The following LBP variants were observed in gnomAD, a reference collection of about 807,000 sequenced individuals.
LBP encodes the protein lipopolysaccharide binding protein.
In LBP, 53 loss-of-function variants were observed where a neutral mutation model predicts 56.6. The observed-to-expected ratio is 0.94, with a 90% confidence interval of 0.75 to 1.18. The LOEUF is 1.18. Ranked by LOEUF, LBP falls within the 50% of genes most tolerant of loss-of-function variation. LBP has a pLI of 0.00. For synonymous variants in LBP, 227 were observed against 247.5 expected, an observed-to-expected ratio of 0.92 and a Z score of 0.78; for missense variants, 601 against 598.3, an observed-to-expected ratio of 1.00 and a Z score of -0.05.
chr20:38,355,246 G>A, intron 4 of LBP, 100 bp from the exon 5 acceptor site: 2 of 1,036,504 alleles, frequency 1.9e-6, no homozygotes, highest in Admixed American at 3.4e-5. Flanking sequence ...GGGTGGAGAG[G>A]GCTCCCTTTG....
At position 38,350,810 on chromosome 20, in the gene LBP, G is replaced by T; in HGVS notation, c.240-1G>T. ...ACCTCCTTCCATGTCTCTCCCTTCA[G>T]CCTGAACATCCACAGCTGTGAGCTG... On this transcript the variant is annotated splice_acceptor_variant, in intron 2 of 14. Transcript: ENST00000217407. LOFTEE classifies it high-confidence loss of function. 6.2e-7 allele frequency: 1 copy of T among 1,602,412 alleles called. No individual in the cohort carries two copies. Among genetic ancestry groups the T allele is most frequent in the Non-Finnish European group, 8.5e-7 (1 of 1,171,276 alleles).
At chr20:38,362,099 CCCA>C (rs2076862507) in intron 6 of LBP, among the ~76,000 whole-genome samples, 2 of 140,010 alleles carry the variant, frequency 1.4e-5, no homozygotes, top group African/African-American at 5.4e-5. Flanking sequence ...CGCTCTGTTG[CCCA>C]GGCTGGAGTG....
At chr20:38,372,211 T>G (rs2076903066) in intron 12 of LBP, among the ~76,000 whole-genome samples, 1 of 152,184 alleles carries the variant, frequency 6.6e-6, no homozygotes, top group Admixed American at 6.5e-5. Context: ...GACTTTAATG[T>G]GTAGTCGTTG....
At chr20:38,360,276 A>C (rs972087641) in intron 5 of LBP, among the ~76,000 whole-genome samples, 2 of 144,386 alleles carry the variant, frequency 1.4e-5, no homozygotes, top group African/African-American at 2.9e-5. Context: ...AAAAAAAAAC[A>C]AAAAAACTAT....
chr20:38,360,898 C>T lies in LBP; in HGVS notation c.652+131C>T, dbSNP rs2076857780. 9 of 621,884 alleles carry T rather than the reference C, an allele frequency of 1.4e-5. No individual in the cohort carries two copies. The Admixed American group carries it at 2.3e-4, about 16-fold the overall frequency. 38.5% of individuals were successfully genotyped at this position (621,884 alleles called of 1,614,324 possible). A position where few individuals can be genotyped will look rare whatever the true frequency, so the allele number is the denominator to read the frequency against. ...AAATTAAGGGCCAGGCGCAGCGGCT[C>T]ACACCTGTAATCTCAGCAGTCTGGG... On this transcript the variant is annotated intron_variant, in intron 6 of 14. Coordinates refer to ENST00000217407, the MANE Select transcript of LBP (RefSeq NM_004139.5).
rs749824644 is a variant in LBP at position 38,376,897 on chromosome 20, C to T, written c.*228C>T. 1.2e-5 allele frequency: 8 copies of T among 678,526 alleles called. No individual in the cohort carries two copies. In the South Asian group the frequency reaches 1.2e-4, roughly 10 times the overall value. The allele number at this position is 678,526 out of a possible 1,614,324, so 42.0% of individuals were successfully genotyped here. A position where few individuals can be genotyped will look rare whatever the true frequency, so the allele number is the denominator to read the frequency against. ...CTCCAGGAGGGACCACCCTCCCCGA[C>T]TGGCCTGGGATATCTTTACAAGCAG... On this transcript the variant is annotated 3_prime_UTR_variant, in exon 15 of 15. Transcript: ENST00000217407.
At chr20:38,371,904 T>C (rs2076902180) in intron 12 of LBP, among the ~76,000 whole-genome samples, 1 of 152,160 alleles carries the variant, frequency 6.6e-6, no homozygotes, top group African/African-American at 2.4e-5. Flanking sequence ...TGGCCAGAAG[T>C]CAGCCCAGCA....
chr20:38,364,400 A>G (rs977399631), intron 7 of LBP, among the ~76,000 whole-genome samples, 176 bp from the exon 8 acceptor site: 2 of 152,158 alleles, frequency 1.3e-5, no homozygotes, highest in Admixed American at 1.3e-4. Flanking sequence ...CCTGTGGGTT[A>G]ATGTAGCAAA....
At position 38,363,992 on chromosome 20, in the gene LBP, A is replaced by G. The variant is rs772643614; in HGVS notation, c.670A>G (p.Ser224Gly). Reference protein sequence around the residue: ...QTLPVTTEIDSFADIDYSLVE... With the variant: ...QTLPVTTEIDGFADIDYSLVE... ...ATTCACAGTTACAACAGAGATTGACAGTTTCGCCGACATTGATTATAGCTT... is the reference window on the plus strand; with the variant it reads ...ATTCACAGTTACAACAGAGATTGACGGTTTCGCCGACATTGATTATAGCTT... The change falls in exon 7 of 15, where the codon AGT becomes GGT. Residue 224 changes from serine (S) to glycine (G), a missense_variant. Physicochemically the swap from Ser to Gly is moderately conservative, Grantham distance 56. Coordinates refer to ENST00000217407, the MANE Select transcript of LBP (RefSeq NM_004139.5). 6.2e-7 allele frequency: 1 copy of G among 1,613,520 alleles called. No homozygotes were observed. Among genetic ancestry groups the G allele is most frequent in the East Asian group, 2.2e-5 (1 of 44,882 alleles).
At chr20:38,353,849 C>CT (rs1051870606) in intron 3 of LBP, among the ~76,000 whole-genome samples, 6 of 151,034 alleles carry the variant, frequency 4.0e-5, no homozygotes, top group Non-Finnish European at 8.9e-5. Flanking sequence ...CTGTTCATAT[C>CT]TTTTTTTTTC....
chr20:38,369,132 C>T lies in LBP; in HGVS notation c.1119C>T (p.Ser373=). ...ATGCCTTTGTGCTCCTGCCCAGCTC[C>T]AGCAAGGAGCCTGTCTTCCGGCTCA... ...EIDAFVLLPS[S]SKEPVFRLSV... is the part of the protein sequence containing the mutation. Residue 373 remains serine, a synonymous_variant, in exon 10 of 15, where the codon TCC becomes TCT. Transcript: ENST00000217407. 1 of 1,614,122 alleles carries T rather than the reference C, an allele frequency of 6.2e-7. No individual in the cohort carries two copies. Among genetic ancestry groups the T allele is most frequent in the Non-Finnish European group, 8.5e-7 (1 of 1,180,010 alleles).
At chr20:38,350,722 C>A in intron 2 of LBP, 89 bp from the exon 3 acceptor site, 3 of 1,451,468 alleles carry the variant, frequency 2.1e-6, no homozygotes, top group Non-Finnish European at 2.8e-6. Flanking sequence ...CTGGTCTAGT[C>A]CCCACTGTGG....
intron 8 of LBP, among the ~76,000 whole-genome samples, chr20:38,365,517 C>CA (rs1158756982): frequency 6.6e-6 from 1 of 151,320 alleles, no homozygotes; most frequent in Non-Finnish European, 1.5e-5. Context: ...GTCAACATGG[C>CA]AAAACCTCAT....
chr20:38,355,302 C>T (rs367822735), intron 4 of LBP, 44 bp from the exon 5 acceptor site: 24 of 1,589,892 alleles, frequency 1.5e-5, no homozygotes, highest in Non-Finnish European at 1.8e-5. Flanking sequence ...CCCAGGCACC[C>T]GGCCATCCCC....
chr20:38,369,824 C>T (rs913049107), intron 10 of LBP, among the ~76,000 whole-genome samples: 7 of 152,270 alleles, frequency 4.6e-5, no homozygotes, highest in Middle Eastern at 3.4e-3. Context: ...ACCAATTCCC[C>T]GTATTAAATT....
At chr20:38,364,326 A>G (rs2076872827) in intron 7 of LBP, among the ~76,000 whole-genome samples, 1 of 152,172 alleles carries the variant, frequency 6.6e-6, no homozygotes, top group Non-Finnish European at 1.5e-5. Flanking sequence ...AGAAAAGGCC[A>G]ATCAGAGCGG....
chr20:38,369,907 GTCCTTTGGGGGCCTTGC>G (rs1029075128), intron 10 of LBP, among the ~76,000 whole-genome samples: 26 of 152,028 alleles, frequency 1.7e-4, no homozygotes, highest in African/African-American at 6.3e-4. Flanking sequence ...GGGATGTTGG[GTCCTTTGGGGGCCTTGC>G]TCCCTGGATG....
At position 38,349,621 on chromosome 20, in the gene LBP, G is replaced by A. The variant is rs61735371; in HGVS notation, c.198G>A (p.Leu66=). 4.3e-5 allele frequency: 70 copies of A among 1,611,704 alleles called. No homozygotes were observed. The African/African-American group carries it at 8.1e-4, about 19-fold the overall frequency. The part of the protein sequence containing the change: ...RITLPDFTGD[L]RIPHVGRGRY... ...CGCTGCCTGACTTCACCGGGGACTT[G>A]AGGATCCCCCACGTCGGCCGTGGGC... Residue 66 remains leucine, a synonymous_variant, in exon 2 of 15, where the codon TTG becomes TTA. Transcript: ENST00000217407.
At chr20:38,358,188 C>A (rs2076847809) in intron 5 of LBP, among the ~76,000 whole-genome samples, 1 of 152,162 alleles carries the variant, frequency 6.6e-6, no homozygotes, top group Admixed American at 6.5e-5. Context: ...GACAAAAACA[C>A]CCTGGGAAGC....
Sources: allele counts gnomAD v4.1 joint callset (sites outside exome capture counted in the v4.1 genomes callset), GRCh38; gene constraint gnomAD v4.1.1; transcripts MANE v1.5; gene names NCBI Gene and HGNC (gene_info 2026-07-23, HGNC 2026-07-21).